The following RUSC2 variants were observed in gnomAD, a reference collection of about 807,000 sequenced individuals.
The protein encoded by RUSC2 is RUN and SH3 domain containing 2, also known as AP-4 complex accessory subunit RUSC2.
Under a neutral mutation model 122.2 loss-of-function variants are expected in RUSC2, and 34 were observed. The observed-to-expected ratio is 0.28, with a 90% CI of 0.21 to 0.37. The LOEUF (loss-of-function observed/expected upper bound fraction) is 0.37, where lower values mean the gene tolerates loss of function less well. Among genes scored for constraint, RUSC2 ranks in the 10% least tolerant of loss-of-function variants. The pLI is 1.00. For synonymous variants in RUSC2, 784 were observed against 790.0 expected, an observed-to-expected ratio of 0.99 and a Z score of 0.13; for missense variants, 1,747 against 1,952.4, an observed-to-expected ratio of 0.89 and a Z score of 1.98.
At chr9:35,543,149 G>A (rs996013594) in intron 1 of RUSC2, among the ~76,000 whole-genome samples, 46 of 152,110 alleles carry the variant, frequency 3.0e-4, no homozygotes, top group African/African-American at 8.0e-4. Flanking sequence ...GTTTAGGCCC[G>A]GCATGGTGGC....
At chr9:35,496,464 C>T (rs553312429) in intron 1 of RUSC2, among the ~76,000 whole-genome samples, 3 of 152,190 alleles carry the variant, frequency 2.0e-5, no homozygotes, top group Non-Finnish European at 1.5e-5. Context: ...TCACTTATCC[C>T]GCTCTATCAA....
At chr9:35,492,528 C>A (rs1433391915) in intron 1 of RUSC2, among the ~76,000 whole-genome samples, 1 of 151,508 alleles carries the variant, frequency 6.6e-6, no homozygotes, top group Non-Finnish European at 1.5e-5. Context: ...CAAATGAGTC[C>A]GTCATACGAA....
chr9:35,554,785 A>G (rs565739844), intron 2 of RUSC2, among the ~76,000 whole-genome samples: 1 of 151,040 alleles, frequency 6.6e-6, no homozygotes, highest in Non-Finnish European at 1.5e-5. Context: ...GGTGAGATGC[A>G]AGAGTTGAGC....
chr9:35,532,204 G>A (rs1464677533), intron 1 of RUSC2, among the ~76,000 whole-genome samples: 5 of 152,172 alleles, frequency 3.3e-5, no homozygotes, highest in Admixed American at 2.0e-4. Context: ...TTTTCGATAT[G>A]TTGAATTTGA....
Position 35,555,987 on chromosome 9 carries a change from G to C in RUSC2, c.2692G>C (p.Glu898Gln), listed in dbSNP as rs1181199013. 3 of 1,614,198 alleles carry C rather than the reference G, an allele frequency of 1.9e-6. No individual in the cohort carries two copies. The Admixed American group carries it at 5.0e-5, about 27-fold the overall frequency. ...ATCCCCTCAAGCCCTCAAGTGGCGG[G>C]AATACAGGAGGAAGAACCCACTAGG... is the stretch of plus-strand genomic sequence containing the variant. ...HLSPQALKWR[E>Q]YRRKNPLGPP... Residue 898 changes from glutamate (E) to glutamine (Q), a missense_variant, in exon 4 of 12, where the codon GAA becomes CAA. Coordinates refer to ENST00000361226, the MANE Select transcript of RUSC2 (RefSeq NM_014806.5). This position sits in a 1 kb window ranked among gnomAD's most constrained non-coding sequence, Gnocchi z 4.6.
Position 35,558,338 on chromosome 9 carries a change from C to T in RUSC2, c.3202C>T (p.Pro1068Ser), listed in dbSNP as rs868192377. Residue 1068 changes from proline (P) to serine (S), a missense_variant, in exon 7 of 12, where the codon CCA (proline) becomes TCA (serine). Coordinates refer to ENST00000361226, the MANE Select transcript of RUSC2 (RefSeq NM_014806.5). This position sits in a 1 kb window ranked among gnomAD's most constrained non-coding sequence, Gnocchi z 4.3. ...CATCATCGGGCAGCGTAAGAACATG[C>T]CATGGAGTGTGGTTGAGGCTTCCAC... The part of the protein sequence containing the change: ...DVIIGQRKNM[P>S]WSVVEASTQL... 1 of 1,614,126 alleles carries T rather than the reference C, an allele frequency of 6.2e-7. No homozygotes were observed. Among genetic ancestry groups the T allele is most frequent in the Non-Finnish European group, 8.5e-7 (1 of 1,180,018 alleles).
chr9:35,544,558 G>A (rs527237520), intron 1 of RUSC2, among the ~76,000 whole-genome samples: 2 of 152,000 alleles, frequency 1.3e-5, no homozygotes, highest in Non-Finnish European at 2.9e-5. Context: ...CTCCCACCTC[G>A]GCCTCCCAAA....
intron 5 of RUSC2, among the ~76,000 whole-genome samples, chr9:35,556,956 G>C (rs1202404089): frequency 6.6e-6 from 1 of 152,220 alleles, no homozygotes; most frequent in Non-Finnish European, 1.5e-5. Flanking sequence ...TCATTCATCA[G>C]AGGCTTTCAG....
chr9:35,556,288 G>T lies in RUSC2; in HGVS notation c.2843-20G>T, dbSNP rs1489857625. 2 of 1,613,272 alleles carry T rather than the reference G, an allele frequency of 1.2e-6. No individual in the cohort carries two copies. Among genetic ancestry groups the T allele is most frequent in the East Asian group, 2.2e-5 (1 of 44,878 alleles). ...CCTGCACTGAGAGTTGCTCAGGATTGATTTTTCTCTTCTTTCCAGGCCAAG... is the reference window on the plus strand; with the variant it reads ...CCTGCACTGAGAGTTGCTCAGGATTTATTTTTCTCTTCTTTCCAGGCCAAG... On this transcript the variant is annotated intron_variant, in intron 4 of 11. Transcript: ENST00000361226.
In RUSC2 at chr9:35,558,402, G is replaced by C; in HGVS notation, c.3235+31G>C. On this transcript the variant is annotated intron_variant, in intron 7 of 11. Transcript: ENST00000361226. The surrounding 1 kb of genome is among the most constrained non-coding windows in gnomAD (Gnocchi z 4.3). ...TGCTGGGTGCCAAGACGGGGACCCA[G>C]GGCTGAATTTAGGGCTCCAGAAATT... The C allele has an allele frequency of 6.2e-7, 1 of 1,613,958 alleles. No homozygotes were observed. Among genetic ancestry groups the C allele is most frequent in the Non-Finnish European group, 8.5e-7 (1 of 1,179,866 alleles).
At chr9:35,532,961 C>T (rs900799737) in intron 1 of RUSC2, among the ~76,000 whole-genome samples, 4 of 150,834 alleles carry the variant, frequency 2.7e-5, no homozygotes, top group South Asian at 2.1e-4. Flanking sequence ...ATTTTGGTGT[C>T]GAGGCTGGGT....
At chr9:35,550,054 A>C (rs529850845) in intron 2 of RUSC2, among the ~76,000 whole-genome samples, 2 of 151,978 alleles carry the variant, frequency 1.3e-5, no homozygotes, top group South Asian at 4.2e-4. Flanking sequence ...TCTACTAATA[A>C]TACAAAAATT....
intron 1 of RUSC2, among the ~76,000 whole-genome samples, chr9:35,543,194 G>A (rs2132546440): frequency 6.6e-6 from 1 of 152,316 alleles, no homozygotes; most frequent in East Asian, 1.9e-4. Flanking sequence ...GGAAGGCCAA[G>A]GCAGGTGGAT....
At chr9:35,527,603 T>A (rs567025542) in intron 1 of RUSC2, among the ~76,000 whole-genome samples, 1 of 152,370 alleles carries the variant, frequency 6.6e-6, no homozygotes, top group Admixed American at 6.5e-5. Flanking sequence ...ATTTCACACA[T>A]AGCTGATTTA....
chr9:35,540,210 A>C (rs1363652742), intron 1 of RUSC2, among the ~76,000 whole-genome samples: 1 of 151,994 alleles, frequency 6.6e-6, no homozygotes, highest in East Asian at 1.9e-4. Flanking sequence ...CTCTACAAAA[A>C]ATTTAAAAAT....
chr9:35,494,690 AT>A (rs1447262272), intron 1 of RUSC2, among the ~76,000 whole-genome samples: 2 of 151,730 alleles, frequency 1.3e-5, no homozygotes, highest in Non-Finnish European at 2.9e-5. Flanking sequence ...TTGGACATTA[AT>A]CCATCTCAGA....
At chr9:35,499,073 G>A (rs749184153) in intron 1 of RUSC2, among the ~76,000 whole-genome samples, 69 of 152,012 alleles carry the variant, frequency 4.5e-4, no homozygotes, top group Non-Finnish European at 9.1e-4. Flanking sequence ...GATCACTTGA[G>A]GCCAGGAGTT....
In RUSC2 at chr9:35,527,146, T is replaced by TA. The variant is rs200457679; in HGVS notation, c.-92-19284_-92-19283insA. 9.9e-3 allele frequency among the ~76,000 whole-genome samples: 1,502 copies of TA among 151,856 alleles called. 26 individuals are homozygous for TA. Among genetic ancestry groups the TA allele is most frequent in the African/African-American group, 0.034 (1,429 of 41,442 alleles). Reference sequence around the variant, plus strand: ...AAATTTGTCCTTTCGTTGTTTTTTTTTTCTTTTTTGAGACAAGGTCTCACT... The same window carrying TA: ...AAATTTGTCCTTTCGTTGTTTTTTTTATTCTTTTTTGAGACAAGGTCTCACT... On this transcript the variant is annotated intron_variant, in intron 1 of 11. Coordinates refer to ENST00000361226, the MANE Select transcript of RUSC2 (RefSeq NM_014806.5).
intron 1 of RUSC2, among the ~76,000 whole-genome samples, chr9:35,528,387 A>T (rs1587850323): frequency 7.2e-6 from 1 of 139,180 alleles, no homozygotes; most frequent in African/African-American, 2.8e-5. Flanking sequence ...CTATTCCTTT[A>T]AAAAAAAAAA....
Sources: gnomAD v4.1 joint callset for allele counts (sites outside exome capture counted in the v4.1 genomes callset) on GRCh38, gnomAD v4.1.1 for gene constraint, Gnocchi (gnomAD v3.1) non-coding constraint, MANE v1.5 for transcripts, NCBI Gene and HGNC (gene_info 2026-07-23, HGNC 2026-07-21) for gene names.